SLIT3: variants seen among roughly 807,000 people sequenced by gnomAD.
SLIT3 encodes slit homolog 3 protein.
SLIT3 carries 68 observed loss-of-function variants against 184.0 expected under a neutral mutation model. The ratio of observed to expected loss-of-function variants is 0.37; its 90% CI spans 0.30 to 0.45. SLIT3 has a LOEUF of 0.45. SLIT3 is among the 20% of genes least tolerant of loss of function. The pLI, the probability that SLIT3 is intolerant of heterozygous loss-of-function variation, is 1.00. For missense variants in SLIT3, 1,707 were observed against 2,026.0 expected, an observed-to-expected ratio of 0.84 and a Z score of 3.02; for synonymous variants, 831 against 828.6, an observed-to-expected ratio of 1.00 and a Z score of -0.05.
At chr5:169,002,720 C>G (rs1374696871) in intron 4 of SLIT3, among the ~76,000 whole-genome samples, 2 of 152,110 alleles carry the variant, frequency 1.3e-5, no homozygotes, top group Non-Finnish European at 2.9e-5. Flanking sequence ...GTTTTTCTTC[C>G]TTGATCAAAG....
chr5:168,793,220 C>G (rs1756444838), intron 10 of SLIT3, among the ~76,000 whole-genome samples: 1 of 151,988 alleles, frequency 6.6e-6, no homozygotes, highest in African/African-American at 2.4e-5. Context: ...AGAGAGAATT[C>G]TTTTTTTTCT....
At chr5:168,873,272 C>G (rs1302407008) in intron 5 of SLIT3, among the ~76,000 whole-genome samples, 2 of 152,134 alleles carry the variant, frequency 1.3e-5, no homozygotes, top group Non-Finnish European at 2.9e-5. Flanking sequence ...ATTTCCACCT[C>G]TATACCTAGA....
intron 1 of SLIT3, among the ~76,000 whole-genome samples, chr5:169,256,108 T>C (rs149944924): frequency 7.2e-5 from 11 of 152,252 alleles, no homozygotes; most frequent in African/African-American, 2.6e-4. Context: ...CTATTTTTTT[T>C]TTATCTTTTA....
intron 3 of SLIT3, among the ~76,000 whole-genome samples, chr5:169,196,013 G>T (rs577585754): frequency 2.0e-5 from 3 of 152,064 alleles, no homozygotes; most frequent in African/African-American, 7.2e-5. Context: ...TTGCAAAACC[G>T]AAATTCTGTC....
intron 4 of SLIT3, among the ~76,000 whole-genome samples, chr5:169,154,113 C>G (rs916575615): frequency 6.6e-6 from 1 of 152,034 alleles, no homozygotes; most frequent in East Asian, 1.9e-4. Context: ...GCTGGGACTA[C>G]AGGCACCCAC....
chr5:169,151,844 T>C (rs79039484), intron 4 of SLIT3, among the ~76,000 whole-genome samples: 6,912 of 152,272 alleles, frequency 0.045, 520 homozygotes, highest in African/African-American at 0.16. Flanking sequence ...GCTTTGGAGA[T>C]GCTAGATCTG....
At position 169,070,353 on chromosome 5, in the gene SLIT3, C is replaced by T. The variant is rs143954166; in HGVS notation, c.413+123126G>A. On this transcript the variant is annotated intron_variant, in intron 4 of 35. Coordinates refer to ENST00000519560, the MANE Select transcript of SLIT3 (RefSeq NM_003062.4). ...TAAGTTCCAGTGTAAATGTCTAACT[C>T]CAGTTCTGGCCCAGATGAAGAGAAA... Among the ~76,000 whole-genome samples the T allele has an allele frequency of 2.6e-3, 392 of 152,292 alleles. 2 individuals are homozygous for T. Among genetic ancestry groups the T allele is most frequent in the African/African-American group, 9.2e-3 (382 of 41,560 alleles).
chr5:168,694,770 C>G lies in SLIT3; in HGVS notation c.3082+1522G>C, dbSNP rs545076114. On this transcript the variant is annotated intron_variant, in intron 28 of 35. Coordinates refer to ENST00000519560, the MANE Select transcript of SLIT3 (RefSeq NM_003062.4). Reference sequence around the variant, plus strand: ...AGTAGCTAGGATTACAGGTGCCCACCACCATGCCCAGCTAATTTTTGTATT... The same window carrying G: ...AGTAGCTAGGATTACAGGTGCCCACGACCATGCCCAGCTAATTTTTGTATT... Among the ~76,000 whole-genome samples the G allele has an allele frequency of 3.3e-5, 5 of 152,310 alleles. No individual in the cohort carries two copies. In the East Asian group the frequency reaches 5.8e-4, roughly 18 times the overall value.
At chr5:169,261,491 C>G (rs1766174457) in intron 1 of SLIT3, among the ~76,000 whole-genome samples, 1 of 151,836 alleles carries the variant, frequency 6.6e-6, no homozygotes, top group Non-Finnish European at 1.5e-5. Flanking sequence ...TCCTCCCTCT[C>G]TCTCCTTTCC....
chr5:169,125,229 G>A (rs553434492), intron 4 of SLIT3, among the ~76,000 whole-genome samples: 2 of 152,198 alleles, frequency 1.3e-5, no homozygotes, highest in East Asian at 1.9e-4. Flanking sequence ...TGTATTTTTA[G>A]TAGAGATGGG....
At chr5:168,781,632 G>C (rs1209224105) in intron 12 of SLIT3, among the ~76,000 whole-genome samples, 2 of 152,102 alleles carry the variant, frequency 1.3e-5, no homozygotes, top group African/African-American at 2.4e-5. Context: ...ATGAACCAGA[G>C]AAAGTTCCAT....
Position 168,663,063 on chromosome 5 carries a change from G to A in SLIT3, c.*3391C>T, listed in dbSNP as rs1227699895. On this transcript the variant is annotated 3_prime_UTR_variant, in exon 36 of 36. Transcript: ENST00000519560. ...CCCTTTTGCTGTCTTGGTTGATGGG[G>A]GCTGGATTCAGGATTGGGCCCAGGG... 1 of 152,236 alleles carries A rather than the reference G, an allele frequency of 6.6e-6. No homozygotes were observed. The highest frequency in any genetic ancestry group is 1.5e-5 in the Non-Finnish European group (1 of 68,102). 9.4% of individuals were successfully genotyped at this position (152,236 alleles called of 1,614,324 possible). A position where few individuals can be genotyped will look rare whatever the true frequency, so the allele number is the denominator to read the frequency against.
At chr5:168,713,456 T>C (rs1245972317) in intron 23 of SLIT3, among the ~76,000 whole-genome samples, 1 of 152,222 alleles carries the variant, frequency 6.6e-6, no homozygotes. Flanking sequence ...GGATTAATCA[T>C]CAACTGCATA....
intron 5 of SLIT3, among the ~76,000 whole-genome samples, chr5:168,852,528 C>G (rs568508656): frequency 6.6e-6 from 1 of 152,304 alleles, no homozygotes; most frequent in East Asian, 1.9e-4. Context: ...CACTCAGGGT[C>G]GAGGACACAA....
At chr5:169,217,118 C>A (rs1044555209) in intron 3 of SLIT3, among the ~76,000 whole-genome samples, 1 of 130,154 alleles carries the variant, frequency 7.7e-6, no homozygotes, top group Non-Finnish European at 1.6e-5. Flanking sequence ...TTGGACAAGA[C>A]CTTGAGTAGG....
chr5:168,774,724 A>G (rs1317030132), intron 12 of SLIT3, among the ~76,000 whole-genome samples: 1 of 152,092 alleles, frequency 6.6e-6, no homozygotes, highest in Non-Finnish European at 1.5e-5. Flanking sequence ...TGGAAAGGAA[A>G]AAAAATCATT....
At chr5:169,134,858 T>C (rs11959686) in intron 4 of SLIT3, among the ~76,000 whole-genome samples, 14,484 of 152,252 alleles carry the variant, frequency 0.095, 993 homozygotes, top group East Asian at 0.33. Context: ...TAGAATTTTA[T>C]ATGTAGGTTT....
At chr5:168,820,039 A>ATGT (rs1481482940) in intron 7 of SLIT3, among the ~76,000 whole-genome samples, 3 of 152,152 alleles carry the variant, frequency 2.0e-5, no homozygotes, top group African/African-American at 7.2e-5. Context: ...CTTTCACAAC[A>ATGT]TGTTTGGGAG....
intron 6 of SLIT3, among the ~76,000 whole-genome samples, chr5:168,843,877 T>C (rs1239772633): frequency 2.0e-5 from 3 of 152,122 alleles, no homozygotes; most frequent in African/African-American, 7.2e-5. Flanking sequence ...CATTTGAAAA[T>C]CCAGAGCTCA....
Sources: gnomAD v4.1 joint callset for allele counts (sites outside exome capture counted in the v4.1 genomes callset) on GRCh38, gnomAD v4.1.1 for gene constraint, MANE v1.5 for transcripts, NCBI Gene and HGNC (gene_info 2026-07-23, HGNC 2026-07-21) for gene names.